Variants in ECE1 observed in about 807,000 individuals in gnomAD.
The protein encoded by ECE1 is endothelin converting enzyme 1.
A neutral mutation model predicts 98.6 loss-of-function variants in ECE1; 35 were observed. That is an observed-to-expected ratio of 0.35 (90% CI 0.27 to 0.47). The LOEUF (loss-of-function observed/expected upper bound fraction) is 0.47. Ranked by LOEUF, ECE1 falls within the 20% of genes least tolerant of loss-of-function variation. The probability of loss-of-function intolerance (pLI) is 1.00; values close to 1 mark genes in which losing one functional copy is unlikely to be tolerated. For synonymous variants in ECE1, 394 were observed against 407.1 expected (o/e 0.97, Z 0.39); for missense variants, 814 against 1,025.3 (o/e 0.79, Z 2.81).
intron 1 of ECE1, among the ~76,000 whole-genome samples, chr1:21,324,297 C>T (rs1190250040): frequency 6.6e-6 from 1 of 152,196 alleles, no homozygotes; most frequent in Non-Finnish European, 1.5e-5. Flanking sequence ...CCACCACACC[C>T]GGGCTCATAT....
At chr1:21,337,588 C>T (rs866380331) in intron 1 of ECE1, among the ~76,000 whole-genome samples, 3 of 152,142 alleles carry the variant, frequency 2.0e-5, no homozygotes, top group South Asian at 2.1e-4. Context: ...TCATGAGGTC[C>T]AGTCTGGCAT....
chr1:21,224,083 G>A (rs1359911830), intron 17 of ECE1, among the ~76,000 whole-genome samples: 1 of 152,108 alleles, frequency 6.6e-6, no homozygotes, highest in African/African-American at 2.4e-5. Flanking sequence ...ATCCTTGGAC[G>A]TGCCAGGCTT....
chr1:21,225,603 T>C lies in ECE1; in HGVS notation c.1850-163A>G, dbSNP rs2098173142. Among the ~76,000 whole-genome samples the C allele has an allele frequency of 6.6e-6, 1 of 151,768 alleles. No individual in the cohort carries two copies. The highest frequency in any genetic ancestry group is 2.1e-4 in the South Asian group (1 of 4,818). On this transcript the variant is annotated intron_variant, in intron 16 of 18. Coordinates refer to ENST00000374893, the MANE Select transcript of ECE1 (RefSeq NM_001397.3). The surrounding 1 kb of genome is among the most constrained non-coding windows in gnomAD (Gnocchi z 5.3). ...TGAGTGCCGAGGGACGTGGATGTGGTGGCCAGTCAGAGGCGGGAGAGGATG... is the reference window on the plus strand; with the variant it reads ...TGAGTGCCGAGGGACGTGGATGTGGCGGCCAGTCAGAGGCGGGAGAGGATG...
intron 17 of ECE1, among the ~76,000 whole-genome samples, chr1:21,223,879 T>C (rs963348004): frequency 1.3e-5 from 2 of 152,238 alleles, no homozygotes; most frequent in Non-Finnish European, 2.9e-5. Context: ...ATTATAGGCA[T>C]GAGCCACTGC....
intron 1 of ECE1, among the ~76,000 whole-genome samples, chr1:21,318,378 T>C (rs1111878): frequency 0.1 from 15,127 of 151,936 alleles, 1,420 homozygotes; most frequent in African/African-American, 0.24. Flanking sequence ...CATGACGCAG[T>C]TGGGGAACTT....
At position 21,225,364 on chromosome 1, in the gene ECE1, G is replaced by T; in HGVS notation, c.1926C>A (p.Thr642=). ...TGCTGTACTGCTCTACCATGCACTCGGTCTGACGCTTGAAGGCCTCCACGG... is the reference window on the plus strand; with the variant it reads ...TGCTGTACTGCTCTACCATGCACTCTGTCTGACGCTTGAAGGCCTCCACGG... ...NSSVEAFKRQ[T]ECMVEQYSNY... is the part of the protein sequence containing the mutation. The change falls in exon 17 of 19, where the codon ACC becomes ACA. Residue 642 remains threonine, a synonymous_variant. Transcript: ENST00000374893. The surrounding 1 kb of genome is among the most constrained non-coding windows in gnomAD (Gnocchi z 5.3). The T allele has an allele frequency of 6.2e-7, 1 of 1,614,198 alleles. No homozygotes were observed. The highest frequency in any genetic ancestry group is 8.5e-7 in the Non-Finnish European group (1 of 1,180,044).
chr1:21,319,947 T>G lies in ECE1; in HGVS notation c.3+25429A>C, dbSNP rs1390450814. ...TACACTCGGCAGCAGCGTCCCATCT[T>G]TTGACTTCCCTGGGCCACAATGTAA... On this transcript the variant is annotated intron_variant, in intron 1 of 18. Transcript: ENST00000415912. This position sits in a 1 kb window ranked among gnomAD's most constrained non-coding sequence, Gnocchi z 4.4. 6.6e-6 allele frequency among the ~76,000 whole-genome samples: 1 copy of G among 151,820 alleles called. No individual in the cohort carries two copies.
At chr1:21,263,365 T>A (rs72654889) in intron 4 of ECE1, among the ~76,000 whole-genome samples, 129 of 110,190 alleles carry the variant, frequency 1.2e-3, no homozygotes, top group Middle Eastern at 4.5e-3. Flanking sequence ...ATATTTATTT[T>A]TTTTTTTTTT....
At chr1:21,245,202 G>T in intron 9 of ECE1, 99 bp from the exon 10 acceptor site, 1 of 1,026,256 alleles carries the variant, frequency 9.7e-7, no homozygotes, top group East Asian at 2.6e-5. Flanking sequence ...AACTTGGCCT[G>T]TGACCCCAGG....
chr1:21,290,200 G>T lies in ECE1; in HGVS notation c.52-44C>A. ...CACGGACTCCCTCAGCGCCTCCATG[G>T]CTCTCGCGCCCGAATGGGGAAGCGG... On this transcript the variant is annotated intron_variant, in intron 1 of 18. Coordinates refer to ENST00000374893, the MANE Select transcript of ECE1 (RefSeq NM_001397.3). The surrounding 1 kb of genome is among the most constrained non-coding windows in gnomAD (Gnocchi z 7.3). The T allele has an allele frequency of 6.7e-7, 1 of 1,484,018 alleles. No individual in the cohort carries two copies. The allele number at this position is 1,484,018 out of a possible 1,614,324, so 91.9% of individuals were successfully genotyped here. A position where few individuals can be genotyped will look rare whatever the true frequency, so the allele number is the denominator to read the frequency against.
intron 14 of ECE1, among the ~76,000 whole-genome samples, chr1:21,232,469 T>A (rs932147513): frequency 6.6e-6 from 1 of 151,936 alleles, no homozygotes; most frequent in Non-Finnish European, 1.5e-5. Flanking sequence ...CAGCTAATTT[T>A]AAAAATTTTT....
At chr1:21,239,859 A>G (rs562249751) in intron 10 of ECE1, among the ~76,000 whole-genome samples, 2 of 151,250 alleles carry the variant, frequency 1.3e-5, no homozygotes, top group African/African-American at 4.9e-5. Context: ...TGATGGTTAC[A>G]TGGGTGACTT....
intron 1 of ECE1, among the ~76,000 whole-genome samples, chr1:21,338,928 C>T (rs1205249736): frequency 1.1e-5 from 1 of 90,568 alleles, no homozygotes; most frequent in Non-Finnish European, 2.1e-5. Flanking sequence ...CCTTCCCAGC[C>T]AAGGAGGGAA....
intron 3 of ECE1, among the ~76,000 whole-genome samples, chr1:21,277,175 A>G (rs1265004445): frequency 1.3e-5 from 2 of 152,146 alleles, no homozygotes; most frequent in Non-Finnish European, 2.9e-5. Flanking sequence ...CCAGGGGAAG[A>G]ATGTTCCTCT....
At chr1:21,344,781 T>A (rs571460643) in intron 1 of ECE1, among the ~76,000 whole-genome samples, 15 of 152,148 alleles carry the variant, frequency 9.9e-5, no homozygotes, top group African/African-American at 2.9e-4. Flanking sequence ...CCCCTGAGTG[T>A]CCCCTGGTCT....
chr1:21,262,131 G>C (rs1044667982), intron 4 of ECE1, among the ~76,000 whole-genome samples: 5 of 152,190 alleles, frequency 3.3e-5, no homozygotes, highest in Admixed American at 3.3e-4. Flanking sequence ...GGCCCTGAAA[G>C]GGGGACGGGA....
In ECE1 at chr1:21,235,920, G is replaced by A. The variant is rs1390552396; in HGVS notation, c.1496C>T (p.Ala499Val). Residue 499 changes from alanine to valine, a missense_variant, in exon 13 of 19, where the codon GCC (alanine) becomes GTC (valine). Ala to Val is a moderately conservative substitution (Grantham distance 64). Around this residue, in one of 3 missense-constraint regions of ECE1, gnomAD observed 452 missense variants for 567.3 expected, o/e 0.80. Coordinates refer to ENST00000374893, the MANE Select transcript of ECE1 (RefSeq NM_001397.3). This position sits in a 1 kb window ranked among gnomAD's most constrained non-coding sequence, Gnocchi z 4.2. ...TRKSAKEKAD[A>V]IYNMIGYPNF... Reference sequence around the variant, plus strand: ...GGGGTATCCTATCATGTTGTAGATGGCATCGGCCTGGACAGGACAGACAGA... The same window carrying A: ...GGGGTATCCTATCATGTTGTAGATGACATCGGCCTGGACAGGACAGACAGA... 6 of 1,614,114 alleles carry A rather than the reference G, an allele frequency of 3.7e-6. No individual in the cohort carries two copies. In the South Asian group the frequency reaches 6.6e-5, roughly 18 times the overall value.
Position 21,235,733 on chromosome 1 carries a change from C to T in ECE1, c.1566+117G>A, listed in dbSNP as rs1439095213. ...ATACCCAAGCCCCACACCACATCATCCCTGTGTGTTTTGACAACCATGCTG... is the reference window on the plus strand; with the variant it reads ...ATACCCAAGCCCCACACCACATCATTCCTGTGTGTTTTGACAACCATGCTG... On this transcript the variant is annotated intron_variant, in intron 13 of 18. Transcript: ENST00000374893. This position sits in a 1 kb window ranked among gnomAD's most constrained non-coding sequence, Gnocchi z 4.2. The T allele has an allele frequency of 1.9e-6, 2 of 1,065,788 alleles. No homozygotes were observed. Among genetic ancestry groups the T allele is most frequent in the African/African-American group, 3.1e-5 (2 of 64,352 alleles). The allele number at this position is 1,065,788 out of a possible 1,614,324, so 66.0% of individuals were successfully genotyped here.
intron 2 of ECE1, among the ~76,000 whole-genome samples, chr1:21,286,793 G>A (rs982497638): frequency 1.3e-5 from 2 of 151,840 alleles, no homozygotes; most frequent in African/African-American, 4.8e-5. Flanking sequence ...AGGCATGGTG[G>A]CACATGCCTG....
Sources: gnomAD v4.1 joint callset for allele counts (sites outside exome capture counted in the v4.1 genomes callset) on GRCh38, gnomAD v4.1.1 for gene constraint, gnomAD v4.1.1 regional missense constraint, Gnocchi (gnomAD v3.1) non-coding constraint, MANE v1.5 for transcripts, NCBI Gene and HGNC (gene_info 2026-07-23, HGNC 2026-07-21) for gene names.